GLRA2: variants seen among roughly 807,000 people sequenced by gnomAD.
The protein encoded by GLRA2 is glycine receptor alpha 2.
Under a neutral mutation model 31.6 loss-of-function variants are expected in GLRA2, and 11 were observed. The ratio of observed to expected loss-of-function variants is 0.35; its 90% CI spans 0.22 to 0.58. The LOEUF is 0.58. Among genes scored for constraint, GLRA2 ranks in the 20% least tolerant of loss-of-function variants. The probability of loss-of-function intolerance (pLI) is 0.84; values close to 1 mark genes in which losing one functional copy is unlikely to be tolerated. For synonymous variants in GLRA2, 132 were observed against 134.0 expected, an observed-to-expected ratio of 0.99 and a Z score of 0.10; for missense variants, 212 against 351.8, an observed-to-expected ratio of 0.60 and a Z score of 3.18.
chrX:14,512,636 C>G, the GLRA2 span, among the ~76,000 whole-genome samples: 1 of 111,541 alleles, frequency 9.0e-6, no homozygotes, highest in Non-Finnish European at 1.9e-5. Flanking sequence ...AGTGAACAAG[C>G]TGAGAATCAA....
the GLRA2 span, among the ~76,000 whole-genome samples, chrX:14,459,600 G>A: frequency 9.0e-6 from 1 of 111,476 alleles, no homozygotes; most frequent in Non-Finnish European, 1.9e-5. Context: ...TCCCCTGTAA[G>A]TTGGATTCCT....
rs2089231750 is a variant in GLRA2 at position 14,529,909 on chromosome X, G to A, written c.-149G>A. On this transcript the variant is annotated 5_prime_UTR_variant, in exon 1 of 9. Coordinates refer to ENST00000218075, the MANE Select transcript of GLRA2 (RefSeq NM_002063.4). ...GACTGGCACTTTTTCTTTTTTCTCA[G>A]CAAACTGTACAAAACCAAATCTCTT... The A allele has an allele frequency of 6.0e-6, 3 of 503,019 alleles. No individual in the cohort carries two copies. Among genetic ancestry groups the A allele is most frequent in the Admixed American group, 3.0e-5 (1 of 32,955 alleles). The allele number at this position is 503,019 out of a possible 1,213,427, so 41.5% of individuals were successfully genotyped here.
Position 14,529,545 on chromosome X carries a change from T to C in GLRA2, c.-513T>C, listed in dbSNP as rs1019949368. The C allele has an allele frequency of 7.4e-5, 9 of 121,729 alleles. No homozygotes were observed. Among genetic ancestry groups the C allele is most frequent in the African/African-American group, 3.0e-4 (9 of 30,419 alleles). The allele number at this position is 121,729 out of a possible 1,213,427, so 10.0% of individuals were successfully genotyped here. On this transcript the variant is annotated 5_prime_UTR_variant, in exon 1 of 9. Transcript: ENST00000218075. ...GTAAGATCACGTCTCCGTCTCATTC[T>C]ATAGCCCTCATTCCAGCACAGGATC... is the stretch of plus-strand genomic sequence containing the variant.
chrX:14,514,888 C>A, the GLRA2 span, among the ~76,000 whole-genome samples: 1 of 110,806 alleles, frequency 9.0e-6, no homozygotes, highest in African/African-American at 3.3e-5. Context: ...AATAAAATCT[C>A]ATTTTTTGCC....
rs142647740 is a variant in GLRA2 at position 14,607,392 on chromosome X, G to A, written c.715+124G>A. On this transcript the variant is annotated intron_variant, in intron 6 of 8. Coordinates refer to ENST00000218075, the MANE Select transcript of GLRA2 (RefSeq NM_002063.4). The stretch of plus-strand genomic sequence containing the variant: ...CCAGGCAAATAGACCTATGTCGCAC[G>A]GACCTGATTTGGCTCAAAACTCCCT... 9.8e-5 allele frequency: 54 copies of A among 549,956 alleles called. No homozygotes were observed. The African/African-American group carries it at 1.1e-3, about 11-fold the overall frequency. The allele number at this position is 549,956 out of a possible 1,213,427, so 45.3% of individuals were successfully genotyped here. A position where few individuals can be genotyped will look rare whatever the true frequency, so the allele number is the denominator to read the frequency against.
chrX:14,475,018 G>C, the GLRA2 span, among the ~76,000 whole-genome samples: 3 of 111,735 alleles, frequency 2.7e-5, no homozygotes, highest in Admixed American at 2.9e-4. Context: ...CTGGTCTGAA[G>C]CTGCATCAGT....
At position 14,558,549 on chromosome X, in the gene GLRA2, C is replaced by T. The variant is rs767920099; in HGVS notation, c.203-15784C>T. On this transcript the variant is annotated intron_variant, in intron 2 of 8. Coordinates refer to ENST00000218075, the MANE Select transcript of GLRA2 (RefSeq NM_002063.4). ...TTCCTGTATAATTATTAATAGCACT[C>T]ACTTTCTCTTAAAAGTGATCACTCT... is the stretch of plus-strand genomic sequence containing the variant. Among the ~76,000 whole-genome samples, 19 of 112,024 alleles carry T rather than the reference C, an allele frequency of 1.7e-4. No individual in the cohort carries two copies. The South Asian group carries it at 5.2e-3, about 31-fold the overall frequency.
intron 8 of GLRA2, among the ~76,000 whole-genome samples, chrX:14,720,435 G>A (rs764106456): frequency 8.9e-6 from 1 of 111,766 alleles, no homozygotes; most frequent in South Asian, 3.8e-4. Flanking sequence ...GAAAACCTGG[G>A]AACTAAAGAG....
At chrX:14,719,687 C>G (rs1235931853) in intron 8 of GLRA2, among the ~76,000 whole-genome samples, 1 of 111,735 alleles carries the variant, frequency 8.9e-6, no homozygotes, top group East Asian at 2.8e-4. Flanking sequence ...TCCAGCAATC[C>G]CAATACTGGC....
At chrX:14,556,186 A>G (rs1401084251) in intron 2 of GLRA2, among the ~76,000 whole-genome samples, 1 of 111,935 alleles carries the variant, frequency 8.9e-6, no homozygotes, top group South Asian at 3.7e-4. Context: ...AACTCCAAAC[A>G]TAGTATAGTT....
the GLRA2 span, among the ~76,000 whole-genome samples, chrX:14,462,283 T>G: frequency 2.7e-5 from 3 of 111,445 alleles, no homozygotes; most frequent in East Asian, 8.5e-4. Flanking sequence ...CCTTAACATT[T>G]TTTTTTCCTT....
chrX:14,622,168 A>G (rs2147109258), intron 7 of GLRA2, among the ~76,000 whole-genome samples: 1 of 112,085 alleles, frequency 8.9e-6, no homozygotes, highest in South Asian at 3.7e-4. Context: ...TCTTTTGAGA[A>G]GTGTCTGTTC....
intron 2 of GLRA2, among the ~76,000 whole-genome samples, chrX:14,572,246 G>T: frequency 8.9e-6 from 1 of 112,249 alleles, no homozygotes; most frequent in Non-Finnish European, 1.9e-5. Flanking sequence ...TAGAGAAGCA[G>T]AAAATGTACA....
chrX:14,689,705 T>C (rs2091323270), intron 7 of GLRA2, among the ~76,000 whole-genome samples: 1 of 112,097 alleles, frequency 8.9e-6, no homozygotes, highest in African/African-American at 3.2e-5. Context: ...TATCAAAATA[T>C]AGGAAACTCT....
the GLRA2 span, among the ~76,000 whole-genome samples, chrX:14,495,418 G>A: frequency 1.8e-5 from 2 of 110,103 alleles, no homozygotes; most frequent in Admixed American, 1.9e-4. Flanking sequence ...TTTGTTAGTC[G>A]ATATAGGGTT....
At chrX:14,577,779 G>T (rs1057058092) in intron 3 of GLRA2, among the ~76,000 whole-genome samples, 16 of 111,308 alleles carry the variant, frequency 1.4e-4, no homozygotes, top group African/African-American at 5.2e-4. Flanking sequence ...ATTTTGAGAG[G>T]ACACAAACAT....
At chrX:14,560,781 G>A (rs190979180) in intron 2 of GLRA2, among the ~76,000 whole-genome samples, 1 of 80,894 alleles carries the variant, frequency 1.2e-5, no homozygotes, top group Non-Finnish European at 2.2e-5. Context: ...CTGGGGGACA[G>A]AGAGAGACCC....
At chrX:14,549,387 A>G (rs1185752691) in intron 2 of GLRA2, among the ~76,000 whole-genome samples, 1 of 111,811 alleles carries the variant, frequency 8.9e-6, no homozygotes, top group Non-Finnish European at 1.9e-5. Context: ...AAGGTTTTTA[A>G]GCAGAAGAGG....
At chrX:14,686,882 C>G (rs925746952) in intron 7 of GLRA2, among the ~76,000 whole-genome samples, 1 of 111,835 alleles carries the variant, frequency 8.9e-6, no homozygotes, top group Admixed American at 9.5e-5. Flanking sequence ...TTATTTTGCT[C>G]GTTAGTTGAT....
Sources: gnomAD v4.1 joint callset for allele counts (sites outside exome capture counted in the v4.1 genomes callset) on GRCh38, gnomAD v4.1.1 for gene constraint, MANE v1.5 for transcripts, NCBI Gene and HGNC (gene_info 2026-07-23, HGNC 2026-07-21) for gene names.